JCAD: variants seen among roughly 807,000 people sequenced by gnomAD.
The protein encoded by JCAD is junctional cadherin 5 associated.
A neutral mutation model predicts 98.0 loss-of-function variants in JCAD; 40 were observed. That is an observed-to-expected ratio of 0.41 (90% CI 0.32 to 0.53). The LOEUF is 0.53. Among genes scored for constraint, JCAD ranks in the 20% least tolerant of loss-of-function variants. JCAD has a pLI of 0.31. For synonymous variants in JCAD, 691 were observed against 682.3 expected (o/e 1.01, Z -0.20); for missense variants, 1,705 against 1,738.1 (o/e 0.98, Z 0.34).
chr10:30,077,021 C>T (rs953522570), intron 1 of JCAD, among the ~76,000 whole-genome samples: 1 of 152,130 alleles, frequency 6.6e-6, no homozygotes, highest in African/African-American at 2.4e-5. Context: ...CTTGGAAAAA[C>T]GTATGAAGAC....
chr10:30,105,684 A>G (rs367834835), intron 1 of JCAD, among the ~76,000 whole-genome samples: 35 of 152,288 alleles, frequency 2.3e-4, no homozygotes, highest in African/African-American at 7.5e-4. Flanking sequence ...AAATAATGCA[A>G]CATAATTTTC....
intron 1 of JCAD, among the ~76,000 whole-genome samples, chr10:30,107,738 C>T (rs1258844738): frequency 6.6e-6 from 1 of 151,988 alleles, no homozygotes; most frequent in East Asian, 1.9e-4. Context: ...GGATTGGGAC[C>T]CCTTTCAAGT....
chr10:30,096,380 G>A (rs965615604), intron 1 of JCAD, among the ~76,000 whole-genome samples: 1 of 152,170 alleles, frequency 6.6e-6, no homozygotes, highest in Non-Finnish European at 1.5e-5. Flanking sequence ...GTTGCTACAG[G>A]GATCAGTGGT....
intron 1 of JCAD, among the ~76,000 whole-genome samples, chr10:30,100,220 T>A (rs1308309148): frequency 2.6e-5 from 4 of 152,230 alleles, no homozygotes; most frequent in African/African-American, 9.6e-5. Flanking sequence ...CTATTTCTTT[T>A]ACGGCACTGA....
At chr10:30,090,830 T>C (rs1838249153) in intron 1 of JCAD, among the ~76,000 whole-genome samples, 2 of 152,124 alleles carry the variant, frequency 1.3e-5, no homozygotes, top group South Asian at 4.1e-4. Context: ...TCACATGCTA[T>C]TGATAAATAA....
At chr10:30,112,608 A>G (rs919802163) in intron 1 of JCAD, among the ~76,000 whole-genome samples, 3 of 152,188 alleles carry the variant, frequency 2.0e-5, no homozygotes, top group African/African-American at 2.4e-5. Context: ...ACGGTGGCTC[A>G]TGCCTGTAAT....
rs200599317 is a variant in JCAD at position 30,028,801 on chromosome 10, G to A, written c.1347C>T (p.Asp449=). 70 of 1,614,218 alleles carry A rather than the reference G, an allele frequency of 4.3e-5. No homozygotes were observed. Among genetic ancestry groups the A allele is most frequent in the African/African-American group, 2.8e-4 (21 of 75,058 alleles). The change falls in exon 3 of 4, where the codon GAC becomes GAT. Residue 449 remains aspartate, a synonymous_variant. Transcript: ENST00000375377. The part of the protein sequence containing the change: ...PQGFCEDIKL[D]DKSYNSSPVT... ...CAGGACTGGAGTTATATGATTTATCGTCAAGCTTTATGTCTTCACAGAAAC... is the reference window on the plus strand; with the variant it reads ...CAGGACTGGAGTTATATGATTTATCATCAAGCTTTATGTCTTCACAGAAAC...
chr10:30,026,344 C>A lies in JCAD; in HGVS notation c.3804G>T (p.Val1268=). The change falls in exon 3 of 4, where the codon GTG becomes GTT. Residue 1268 remains valine (V), a synonymous_variant. Transcript: ENST00000375377. ...RLMRMKEVSS[V]SRMRVLSFRN... is the part of the protein sequence containing the mutation. ...TGAAGCTCAGGACTCTCATCCGTGA[C>A]ACTGAGCTCACCTCTTTCATTCTCA... 6.2e-7 allele frequency: 1 copy of A among 1,614,200 alleles called. No homozygotes were observed. Among genetic ancestry groups the A allele is most frequent in the Non-Finnish European group, 8.5e-7 (1 of 1,180,046 alleles).
At chr10:30,066,463 C>G (rs949562414) in intron 2 of JCAD, among the ~76,000 whole-genome samples, 1 of 152,162 alleles carries the variant, frequency 6.6e-6, no homozygotes, top group African/African-American at 2.4e-5. Context: ...TCCAAGCTTC[C>G]CCCTGCCTGC....
At chr10:30,100,715 G>A (rs561626506) in intron 1 of JCAD, among the ~76,000 whole-genome samples, 1 of 152,268 alleles carries the variant, frequency 6.6e-6, no homozygotes, top group South Asian at 2.1e-4. Flanking sequence ...CAAAGCCTGA[G>A]GCATAATGAC....
chr10:30,034,453 A>C (rs967541075), intron 2 of JCAD, among the ~76,000 whole-genome samples: 18 of 152,304 alleles, frequency 1.2e-4, no homozygotes, highest in Admixed American at 4.6e-4. Context: ...AACACCGGGC[A>C]CGGTAGGAGG....
rs777705553 is a variant in JCAD at position 30,027,711 on chromosome 10, T to G, written c.2437A>C (p.Lys813Gln). 1.9e-6 allele frequency: 3 copies of G among 1,614,234 alleles called. No individual in the cohort carries two copies. The South Asian group carries it at 3.3e-5, about 18-fold the overall frequency. ...AGGAGAAACTGCCCAAAGAGTTGTT[T>G]ACTGTTGCAAGGGCCCGTGGGCTCC... ...KGEPTGPCNS[K>Q]QLFGQFLLKP... is the part of the protein sequence containing the mutation. Residue 813 changes from lysine (K) to glutamine (Q), a missense_variant, in exon 3 of 4, where the codon AAA (lysine) becomes CAA (glutamine). This residue lies in a region of JCAD where 1,278 missense variants were observed against 1,243.1 expected (regional missense o/e 1.03). Transcript: ENST00000375377.
chr10:30,027,780 C>T lies in JCAD; in HGVS notation c.2368G>A (p.Gly790Arg), dbSNP rs865873374. Residue 790 changes from glycine to arginine, a missense_variant, in exon 3 of 4, where the codon GGG (glycine) becomes AGG (arginine). Around this residue, in one of 3 missense-constraint regions of JCAD, gnomAD observed 1,278 missense variants for 1,243.1 expected, o/e 1.03. Transcript: ENST00000375377. ...TTAGGCCCAGGGTGGGCTCCAAGCC[C>T]GTGGACATCCACGCAGGGCTGACTT... ...GRSQPCVDVH[G>R]LGAHPGPKRE... 5.0e-6 allele frequency: 8 copies of T among 1,614,122 alleles called. No individual in the cohort carries two copies. The highest frequency in any genetic ancestry group is 1.3e-5 in the African/African-American group (1 of 74,960).
At position 30,017,801 on chromosome 10, in the gene JCAD, G is replaced by A. The variant is rs1836565814; in HGVS notation, c.*82C>T. 2 of 1,260,544 alleles carry A rather than the reference G, an allele frequency of 1.6e-6. No individual in the cohort carries two copies. Among genetic ancestry groups the A allele is most frequent in the Non-Finnish European group, 2.3e-6 (2 of 858,708 alleles). The allele number at this position is 1,260,544 out of a possible 1,614,324, so 78.1% of individuals were successfully genotyped here. A position where few individuals can be genotyped will look rare whatever the true frequency, so the allele number is the denominator to read the frequency against. On this transcript the variant is annotated 3_prime_UTR_variant, in exon 4 of 4. Coordinates refer to ENST00000375377, the MANE Select transcript of JCAD (RefSeq NM_020848.4). Reference sequence around the variant, plus strand: ...CAGCAGCTTCCAGCTTCTACATGGGGAAGTGGGGCTGATAGACTAAATCTA... The same window carrying A: ...CAGCAGCTTCCAGCTTCTACATGGGAAAGTGGGGCTGATAGACTAAATCTA...
At chr10:30,111,093 A>G (rs555039874) in intron 1 of JCAD, among the ~76,000 whole-genome samples, 8 of 151,772 alleles carry the variant, frequency 5.3e-5, no homozygotes, top group Non-Finnish European at 7.4e-5. Flanking sequence ...TCTACCCCCG[A>G]CCTGATATAT....
intron 3 of JCAD, among the ~76,000 whole-genome samples, chr10:30,021,676 C>A (rs1176501800): frequency 6.6e-6 from 1 of 152,104 alleles, no homozygotes; most frequent in African/African-American, 2.4e-5. Context: ...TGGTGTGTAT[C>A]TTACACTTAC....
Position 30,026,106 on chromosome 10 carries a change from G to A in JCAD, c.4042C>T (p.Pro1348Ser), listed in dbSNP as rs1233492080. 6.2e-7 allele frequency: 1 copy of A among 1,614,004 alleles called. No individual in the cohort carries two copies. The highest frequency in any genetic ancestry group is 8.5e-7 in the Non-Finnish European group (1 of 1,180,008). The change falls in exon 3 of 4, where the codon CCA (proline) becomes TCA (serine). Residue 1348 changes from proline to serine, a missense_variant. Around this residue, in one of 3 missense-constraint regions of JCAD, gnomAD observed 1,278 missense variants for 1,243.1 expected, o/e 1.03. Coordinates refer to ENST00000375377, the MANE Select transcript of JCAD (RefSeq NM_020848.4). Reference protein sequence around the residue: ...EKSMDQDFWCPDSYDPSRVER... With the variant: ...EKSMDQDFWCSDSYDPSRVER... The stretch of plus-strand genomic sequence containing the variant: ...GCCTGTCTGCCTGATTCCTCACCTG[G>A]GCACCAGAAGTCTTGATCCATGCTC...
intron 1 of JCAD, among the ~76,000 whole-genome samples, chr10:30,113,252 C>T (rs142640711): frequency 6.6e-6 from 1 of 151,752 alleles, no homozygotes; most frequent in Non-Finnish European, 1.5e-5. Context: ...CGGTGAGGTA[C>T]GCAAAAAGCC....
At chr10:30,030,043 C>T (rs554659911) in intron 2 of JCAD, among the ~76,000 whole-genome samples, 177 bp from the exon 3 acceptor site, 2 of 152,194 alleles carry the variant, frequency 1.3e-5, no homozygotes, top group African/African-American at 2.4e-5. Context: ...AAGACAGCCA[C>T]GTGTTTTGGC....
Sources: gnomAD v4.1 joint callset for allele counts (sites outside exome capture counted in the v4.1 genomes callset) on GRCh38, gnomAD v4.1.1 for gene constraint, gnomAD v4.1.1 regional missense constraint, MANE v1.5 for transcripts, NCBI Gene and HGNC (gene_info 2026-07-23, HGNC 2026-07-21) for gene names.